Variants in TANGO6 observed in about 807,000 individuals in gnomAD.
TANGO6 encodes the protein transport and golgi organization 6 homolog.
A neutral mutation model predicts 114.2 loss-of-function variants in TANGO6; 90 were observed. The observed-to-expected ratio is 0.79, with a 90% CI of 0.66 to 0.94. The LOEUF (loss-of-function observed/expected upper bound fraction) is 0.94. Ranked by LOEUF, TANGO6 falls within the 40% of genes least tolerant of loss-of-function variation. The pLI, the probability that TANGO6 is intolerant of heterozygous loss-of-function variation, is 0.00. For missense variants in TANGO6, 1,274 were observed against 1,315.3 expected (o/e 0.97, Z 0.49); for synonymous variants, 477 against 509.8 (o/e 0.94, Z 0.87).
intron 17 of TANGO6, among the ~76,000 whole-genome samples, chr16:69,067,537 A>AAAAAAAAAAAAACC (rs1960233882): frequency 6.7e-6 from 1 of 148,190 alleles, no homozygotes; most frequent in Non-Finnish European, 1.5e-5. Flanking sequence ...AAAAAAAAAA[A>AAAAAAAAAAAAACC]CGCTGGGCGC....
At chr16:68,966,471 G>A (rs1185751048) in intron 14 of TANGO6, among the ~76,000 whole-genome samples, 4 of 150,706 alleles carry the variant, frequency 2.7e-5, no homozygotes, top group East Asian at 3.9e-4. Context: ...ACCACTGCAC[G>A]CCAGCCTGGG....
At chr16:69,073,393 T>A (rs1203548509) in intron 17 of TANGO6, among the ~76,000 whole-genome samples, 1 of 152,178 alleles carries the variant, frequency 6.6e-6, no homozygotes. Context: ...CCTGCGTTTC[T>A]CTCTTAGAAC....
At position 68,878,244 on chromosome 16, in the gene TANGO6, G is replaced by T. The variant is rs374572911; in HGVS notation, c.1258G>T (p.Val420Leu). Residue 420 changes from valine to leucine, a missense_variant, in exon 6 of 18, where the codon GTG (valine) becomes TTG (leucine). Val to Leu is a conservative substitution (Grantham distance 32, BLOSUM62 1). Coordinates refer to ENST00000261778, the MANE Select transcript of TANGO6 (RefSeq NM_024562.2). ...HLAAKYLLQP[V>L]LAPLHRCLNT... ...GGCAGCAAAGTATTTGCTCCAGCCAGTGTTAGCTCCTCTTCATCGATGTTT... is the reference window on the plus strand; with the variant it reads ...GGCAGCAAAGTATTTGCTCCAGCCATTGTTAGCTCCTCTTCATCGATGTTT... 1.1e-5 allele frequency: 17 copies of T among 1,611,898 alleles called. No homozygotes were observed. The highest frequency in any genetic ancestry group is 2.2e-5 in the South Asian group (2 of 90,322).
chr16:68,891,189 A>G (rs111413717), intron 7 of TANGO6, among the ~76,000 whole-genome samples: 41,461 of 146,266 alleles, frequency 0.28, 7,224 homozygotes, highest in African/African-American at 0.52. Context: ...CTACTCAGGA[A>G]GCTGAGGCAG....
intron 15 of TANGO6, among the ~76,000 whole-genome samples, chr16:69,006,713 T>C (rs928241924): frequency 1.3e-5 from 2 of 152,258 alleles, no homozygotes; most frequent in African/African-American, 4.8e-5. Context: ...ATCGCACCAC[T>C]GCACTCCAGC....
intron 15 of TANGO6, among the ~76,000 whole-genome samples, chr16:68,994,006 T>C (rs898673006): frequency 6.6e-6 from 1 of 152,218 alleles, no homozygotes; most frequent in African/African-American, 2.4e-5. Flanking sequence ...TCAGTTATTG[T>C]AGATTTTCCT....
rs1479646839 is a variant in TANGO6, at chr16:68,866,533, G to C, written c.853-546G>C. Among the ~76,000 whole-genome samples the C allele has an allele frequency of 2.0e-5, 3 of 151,222 alleles. No homozygotes were observed. In the East Asian group the frequency reaches 5.8e-4, roughly 29 times the overall value. On this transcript the variant is annotated intron_variant, in intron 3 of 17. Transcript: ENST00000261778. ...AGCTACTCGGGAGGCTGAGGCAGGA[G>C]AATGGCGTGAACCCGGGAAGCGGAG...
At chr16:69,063,530 A>G (rs2152240870) in intron 17 of TANGO6, among the ~76,000 whole-genome samples, 1 of 151,374 alleles carries the variant, frequency 6.6e-6, no homozygotes, top group South Asian at 2.1e-4. Flanking sequence ...GTCTCAAAAA[A>G]AAAAAAATTA....
chr16:68,856,799 T>A (rs1771594237), intron 1 of TANGO6, among the ~76,000 whole-genome samples: 3 of 152,146 alleles, frequency 2.0e-5, no homozygotes. Flanking sequence ...ACAGTATAGT[T>A]TCACCTCCCT....
At chr16:68,980,631 T>G (rs539828789) in intron 15 of TANGO6, among the ~76,000 whole-genome samples, 1 of 151,310 alleles carries the variant, frequency 6.6e-6, no homozygotes, top group Non-Finnish European at 1.5e-5. Context: ...GAGGTTGTTA[T>G]GAGTAGCTGG....
chr16:68,858,274 G>T (rs1350601226), intron 1 of TANGO6, among the ~76,000 whole-genome samples: 1 of 152,114 alleles, frequency 6.6e-6, no homozygotes, highest in Non-Finnish European at 1.5e-5. Context: ...ATGTTGGCCA[G>T]GCTGGTCTCC....
chr16:68,921,842 C>T (rs1041332365), intron 12 of TANGO6, among the ~76,000 whole-genome samples: 3 of 152,052 alleles, frequency 2.0e-5, no homozygotes, highest in Non-Finnish European at 4.4e-5. Flanking sequence ...TGATTACATC[C>T]GGCATTCCTC....
At chr16:69,020,932 GTGTGTGTGTGGT>G (rs571032497) in intron 15 of TANGO6, among the ~76,000 whole-genome samples, 3 of 130,982 alleles carry the variant, frequency 2.3e-5, no homozygotes, top group Non-Finnish European at 3.5e-5. Context: ...GTGTGTGTGT[GTGTGTGTGTGGT>G]GTGTGTGTGT....
At chr16:68,856,964 C>T (rs1324450694) in intron 1 of TANGO6, among the ~76,000 whole-genome samples, 1 of 152,136 alleles carries the variant, frequency 6.6e-6, no homozygotes, top group Non-Finnish European at 1.5e-5. Context: ...AAAAAATTAG[C>T]CAGGCATGGT....
chr16:68,998,591 TGTG>T (rs1024624222), intron 15 of TANGO6, among the ~76,000 whole-genome samples: 4 of 151,882 alleles, frequency 2.6e-5, no homozygotes, highest in Admixed American at 6.6e-5. Flanking sequence ...ATTAGCCAGA[TGTG>T]GTGGTGGACA....
intron 12 of TANGO6, among the ~76,000 whole-genome samples, chr16:68,920,889 G>A (rs563996282): frequency 2.6e-5 from 4 of 151,806 alleles, no homozygotes; most frequent in South Asian, 2.1e-4. Context: ...CGAGGTGGGC[G>A]GATCAGGAGG....
At chr16:68,852,487 G>A (rs1488678779) in intron 1 of TANGO6, among the ~76,000 whole-genome samples, 1 of 152,062 alleles carries the variant, frequency 6.6e-6, no homozygotes, top group Non-Finnish European at 1.5e-5. Flanking sequence ...TGACCTGGCT[G>A]ATGTCCATAT....
At chr16:68,968,186 C>T (rs1453650582) in intron 14 of TANGO6, among the ~76,000 whole-genome samples, 1 of 152,142 alleles carries the variant, frequency 6.6e-6, no homozygotes, top group East Asian at 1.9e-4. Context: ...CTGCCTCAGC[C>T]TCCCGAATAG....
At chr16:68,870,475 C>T (rs879558121) in intron 4 of TANGO6, among the ~76,000 whole-genome samples, 2 of 152,146 alleles carry the variant, frequency 1.3e-5, no homozygotes, top group Non-Finnish European at 2.9e-5. Flanking sequence ...AAGAAGTTGT[C>T]CCTTACAAAC....
Sources: allele counts gnomAD v4.1 joint callset (sites outside exome capture counted in the v4.1 genomes callset), GRCh38; gene constraint gnomAD v4.1.1; transcripts MANE v1.5; gene names NCBI Gene and HGNC (gene_info 2026-07-23, HGNC 2026-07-21).